Variants in SLC1A2 observed in about 807,000 individuals in gnomAD.
The protein encoded by SLC1A2 is excitatory amino acid transporter 2.
A neutral mutation model predicts 48.8 loss-of-function variants in SLC1A2; 15 were observed. That is an observed-to-expected ratio of 0.31 (90% CI 0.21 to 0.47). SLC1A2 has a LOEUF of 0.47. Ranked by LOEUF, SLC1A2 falls within the 20% of genes least tolerant of loss-of-function variation. SLC1A2 has a pLI of 0.99. For missense variants in SLC1A2, 502 were observed against 730.5 expected (o/e 0.69, Z 3.61); for synonymous variants, 279 against 272.6 (o/e 1.02, Z -0.23).
intron 1 of SLC1A2, among the ~76,000 whole-genome samples, chr11:35,339,506 C>T (rs1169901776): frequency 6.6e-6 from 1 of 152,124 alleles, no homozygotes; most frequent in Non-Finnish European, 1.5e-5. Context: ...ACACCTTTAC[C>T]AGCTGGAGGA....
intron 1 of SLC1A2, among the ~76,000 whole-genome samples, chr11:35,356,547 C>T (rs776435682): frequency 6.6e-6 from 1 of 152,222 alleles, no homozygotes; most frequent in Non-Finnish European, 1.5e-5. Context: ...TTCCAAGACA[C>T]CTACTTTTGA....
chr11:35,335,741 T>C (rs1852605829), intron 1 of SLC1A2, among the ~76,000 whole-genome samples: 1 of 152,028 alleles, frequency 6.6e-6, no homozygotes, highest in Non-Finnish European at 1.5e-5. Flanking sequence ...GGCAGGTGGA[T>C]CACTTGAGGC....
Position 35,253,786 on chromosome 11 carries a change from G to A in SLC1A2, c.*7108C>T, listed in dbSNP as rs1950275118. On this transcript the variant is annotated 3_prime_UTR_variant, in exon 11 of 11. Coordinates refer to ENST00000278379, the MANE Select transcript of SLC1A2 (RefSeq NM_004171.4). ...GCTCTAATTAGTTATAATTCTACATGTGTGGTTACATAGAAAATACTGTAA... is the reference window on the plus strand; with the variant it reads ...GCTCTAATTAGTTATAATTCTACATATGTGGTTACATAGAAAATACTGTAA... The A allele has an allele frequency of 6.6e-6, 1 of 152,546 alleles. No homozygotes were observed. Among genetic ancestry groups the A allele is most frequent in the East Asian group, 1.9e-4 (1 of 5,196 alleles). 9.4% of individuals were successfully genotyped at this position (152,546 alleles called of 1,614,324 possible). A position where few individuals can be genotyped will look rare whatever the true frequency, so the allele number is the denominator to read the frequency against.
At chr11:35,265,259 G>T (rs1950462023) in intron 10 of SLC1A2, 2 of 533,876 alleles carry the variant, frequency 3.7e-6, no homozygotes, top group Non-Finnish European at 6.5e-6. Flanking sequence ...GTTAAATGGG[G>T]TAGATAGGGG....
chr11:35,387,142 A>G (rs892295738), intron 1 of SLC1A2, among the ~76,000 whole-genome samples: 1 of 152,174 alleles, frequency 6.6e-6, no homozygotes, highest in African/African-American at 2.4e-5. Flanking sequence ...TAGAATTGGT[A>G]TATGTACTTG....
intron 1 of SLC1A2, among the ~76,000 whole-genome samples, chr11:35,347,247 G>A (rs892284661): frequency 6.6e-6 from 1 of 152,200 alleles, no homozygotes; most frequent in South Asian, 2.1e-4. Flanking sequence ...AAGTGCGAAG[G>A]AGCAATGGTC....
In SLC1A2 at chr11:35,314,963, A is replaced by T. The variant is rs1591463539; in HGVS notation, c.310+60T>A. The stretch of plus-strand genomic sequence containing the variant: ...CAACCAAATTGAGATTCTACAGTTA[A>T]TTAAAAGCCAGGGCAGGAGTATGAC... On this transcript the variant is annotated intron_variant, in intron 3 of 10. Coordinates refer to ENST00000278379, the MANE Select transcript of SLC1A2 (RefSeq NM_004171.4). 24 of 1,266,182 alleles carry T rather than the reference A, an allele frequency of 1.9e-5. No individual in the cohort carries two copies. The East Asian group carries it at 5.4e-4, about 28-fold the overall frequency. 78.4% of individuals were successfully genotyped at this position (1,266,182 alleles called of 1,614,324 possible). A position where few individuals can be genotyped will look rare whatever the true frequency, so the allele number is the denominator to read the frequency against.
chr11:35,372,456 A>G (rs1319206085), intron 1 of SLC1A2, among the ~76,000 whole-genome samples: 1 of 152,206 alleles, frequency 6.6e-6, no homozygotes, highest in Non-Finnish European at 1.5e-5. Context: ...AGTATCTCTC[A>G]AGTACACACT....
chr11:35,323,309 G>A (rs1300709712), intron 1 of SLC1A2: 1 of 157,606 alleles, frequency 6.3e-6, no homozygotes, highest in African/African-American at 2.4e-5. Flanking sequence ...CAGGACGGCT[G>A]CTAAATGGGT....
chr11:35,252,195 G>A lies in SLC1A2; in HGVS notation c.*8699C>T. On this transcript the variant is annotated 3_prime_UTR_variant, in exon 11 of 11. Coordinates refer to ENST00000278379, the MANE Select transcript of SLC1A2 (RefSeq NM_004171.4). The stretch of plus-strand genomic sequence containing the variant: ...TCACCTGCAGATGCATTTGCAGTTA[G>A]TTAGTCAGCAATGTTTTTTCCTGTA... 1 of 152,542 alleles carries A rather than the reference G, an allele frequency of 6.6e-6. No homozygotes were observed. Among genetic ancestry groups the A allele is most frequent in the East Asian group, 1.9e-4 (1 of 5,198 alleles). 9.4% of individuals were successfully genotyped at this position (152,542 alleles called of 1,614,324 possible).
At chr11:35,329,648 C>T (rs1236487693) in intron 1 of SLC1A2, among the ~76,000 whole-genome samples, 1 of 152,224 alleles carries the variant, frequency 6.6e-6, no homozygotes, top group Non-Finnish European at 1.5e-5. Flanking sequence ...TGGGCTTTTG[C>T]AAAAGCACCC....
At chr11:35,370,878 G>T in intron 1 of SLC1A2, 1 of 840,340 alleles carries the variant, frequency 1.2e-6, no homozygotes, top group Non-Finnish European at 1.4e-6. Context: ...ATGCTGAGTG[G>T]CCCAGGAAAA....
chr11:35,382,951 G>T (rs112114236), intron 1 of SLC1A2, among the ~76,000 whole-genome samples: 1 of 152,062 alleles, frequency 6.6e-6, no homozygotes, highest in Non-Finnish European at 1.5e-5. Context: ...TTTCCTACCT[G>T]CACGCTCCAA....
intron 1 of SLC1A2, among the ~76,000 whole-genome samples, chr11:35,375,712 C>T (rs898852887): frequency 1.8e-4 from 27 of 152,300 alleles, no homozygotes; most frequent in African/African-American, 6.3e-4. Context: ...CGGGCAGTGG[C>T]ATCAGCAGGT....
At chr11:35,273,742 A>C (rs1850353730) in intron 9 of SLC1A2, among the ~76,000 whole-genome samples, 1 of 152,174 alleles carries the variant, frequency 6.6e-6, no homozygotes, top group African/African-American at 2.4e-5. Flanking sequence ...TCATTTACTT[A>C]TGGCACAGGC....
Position 35,363,913 on chromosome 11 carries a change from C to T in SLC1A2, c.18-46397G>A, listed in dbSNP as rs140822915. On this transcript the variant is annotated intron_variant, in intron 1 of 10. Coordinates refer to ENST00000278379, the MANE Select transcript of SLC1A2 (RefSeq NM_004171.4). ...CGGAGGTGTACAAGGCAGGCTAGGT[C>T]TGTACCTGCACTGAGTGGTATTTCC... Among the ~76,000 whole-genome samples, 729 of 152,278 alleles carry T rather than the reference C, an allele frequency of 4.8e-3. 6 individuals are homozygous for T. The highest frequency in any genetic ancestry group is 0.017 in the African/African-American group (704 of 41,558).
chr11:35,305,827 C>T (rs910522741), intron 5 of SLC1A2, among the ~76,000 whole-genome samples: 2 of 152,200 alleles, frequency 1.3e-5, no homozygotes, highest in African/African-American at 2.4e-5. Flanking sequence ...TGCCCAATGA[C>T]GGTGAGCTCC....
rs115235878 is a variant in SLC1A2, at chr11:35,401,631, T to C, written c.17+17319A>G. ...GGGAGCTTAGAATTTTATTTTTGGT[T>C]TACACGTCCTAGCTGCATACTATTT... On this transcript the variant is annotated intron_variant, in intron 1 of 10. Transcript: ENST00000278379. Among the ~76,000 whole-genome samples, 898 of 152,198 alleles carry C rather than the reference T, an allele frequency of 5.9e-3. 10 individuals carry two copies. The highest frequency in any genetic ancestry group is 0.021 in the African/African-American group (874 of 41,524).
upstream of SLC1A2, chr11:35,420,093 C>A (rs1855740977): frequency 4.0e-6 from 1 of 252,670 alleles, no homozygotes; most frequent in Non-Finnish European, 8.9e-6. Context: ...AATATTAATG[C>A]AGCTCCCTGG....
Sources: gnomAD v4.1 joint callset for allele counts (sites outside exome capture counted in the v4.1 genomes callset) on GRCh38, gnomAD v4.1.1 for gene constraint, MANE v1.5 for transcripts, NCBI Gene and HGNC (gene_info 2026-07-23, HGNC 2026-07-21) for gene names.